The following KLHL1 variants were observed in gnomAD, a reference collection of about 807,000 sequenced individuals.
KLHL1 encodes the protein kelch-like protein 1.
KLHL1 carries 47 observed loss-of-function variants against 77.7 expected under a neutral mutation model. The ratio of observed to expected loss-of-function variants is 0.60; its 90% CI spans 0.48 to 0.77. The LOEUF (loss-of-function observed/expected upper bound fraction) is 0.77, where lower values mean the gene tolerates loss of function less well. Ranked by LOEUF, KLHL1 falls within the 30% of genes least tolerant of loss-of-function variation. The pLI is 0.00. For synonymous variants in KLHL1, 360 were observed against 325.2 expected, an observed-to-expected ratio of 1.11 and a Z score of -1.15; for missense variants, 925 against 910.8, an observed-to-expected ratio of 1.02 and a Z score of -0.20.
intron 9 of KLHL1, among the ~76,000 whole-genome samples, chr13:69,714,305 A>G (rs1337426864): frequency 6.6e-6 from 1 of 152,160 alleles, no homozygotes; most frequent in Non-Finnish European, 1.5e-5. Flanking sequence ...TTGTTGACAG[A>G]ACAAAAAGAA....
chr13:69,989,678 C>T (rs536691218), intron 1 of KLHL1, among the ~76,000 whole-genome samples: 2 of 151,878 alleles, frequency 1.3e-5, no homozygotes, highest in African/African-American at 4.8e-5. Flanking sequence ...TCCTTCACTA[C>T]CCTGGTTAGC....
At chr13:69,904,442 C>T (rs1167298486) in intron 4 of KLHL1, among the ~76,000 whole-genome samples, 1 of 152,164 alleles carries the variant, frequency 6.6e-6, no homozygotes, top group Non-Finnish European at 1.5e-5. Context: ...TCAAAGCAAA[C>T]TTTCTACCAA....
At chr13:69,749,743 G>T (rs1373067741) in intron 7 of KLHL1, among the ~76,000 whole-genome samples, 1 of 151,872 alleles carries the variant, frequency 6.6e-6, no homozygotes, top group Non-Finnish European at 1.5e-5. Context: ...TCACATTTTA[G>T]CAAAAGGTTG....
intron 8 of KLHL1, among the ~76,000 whole-genome samples, chr13:69,725,771 C>T (rs1396943996): frequency 6.6e-6 from 1 of 152,120 alleles, no homozygotes; most frequent in African/African-American, 2.4e-5. Context: ...TCCTGTAAGG[C>T]ATATTAACAA....
At chr13:69,794,199 T>A (rs1876998895) in intron 7 of KLHL1, among the ~76,000 whole-genome samples, 1 of 152,076 alleles carries the variant, frequency 6.6e-6, no homozygotes. Flanking sequence ...ACCCCTGAGG[T>A]CTACATACTA....
chr13:69,965,835 C>T (rs7993620), intron 2 of KLHL1, among the ~76,000 whole-genome samples: 93,974 of 151,970 alleles, frequency 0.62, 29,133 homozygotes, highest in South Asian at 0.65. Flanking sequence ...TGCCACAACA[C>T]TTCCTTGAGC....
At chr13:69,739,003 A>G (rs994417539) in intron 8 of KLHL1, among the ~76,000 whole-genome samples, 1 of 152,156 alleles carries the variant, frequency 6.6e-6, no homozygotes, top group Non-Finnish European at 1.5e-5. Context: ...AGCCAGAGAG[A>G]AAGGCCAGGT....
intron 1 of KLHL1, among the ~76,000 whole-genome samples, chr13:70,026,265 T>A (rs954890075): frequency 4.6e-5 from 7 of 152,142 alleles, no homozygotes; most frequent in Non-Finnish European, 8.8e-5. Context: ...TATAACTGAT[T>A]TTTTTAAAAA....
At chr13:69,805,691 C>CAA (rs55988841) in intron 6 of KLHL1, among the ~76,000 whole-genome samples, 1 of 133,908 alleles carries the variant, frequency 7.5e-6, no homozygotes, top group Non-Finnish European at 1.6e-5. Context: ...TGAAAAAAAA[C>CAA]AAAAAAAAAA....
intron 1 of KLHL1, among the ~76,000 whole-genome samples, chr13:70,055,171 T>C (rs1369939913): frequency 6.6e-6 from 1 of 151,786 alleles, no homozygotes; most frequent in African/African-American, 2.4e-5. Context: ...GGTCATAAAA[T>C]CAGCAAAAGG....
intron 7 of KLHL1, among the ~76,000 whole-genome samples, chr13:69,779,328 TCTTC>T (rs111574350): frequency 1.2e-3 from 174 of 149,066 alleles, no homozygotes; most frequent in Middle Eastern, 3.4e-3. Context: ...TTAAAAAAGG[TCTTC>T]CTTCCTTCCT....
At chr13:69,719,618 TAGTC>T in intron 8 of KLHL1, 37 bp from the exon 9 acceptor site, 2 of 1,515,836 alleles carry the variant, frequency 1.3e-6, no homozygotes, top group South Asian at 2.3e-5. Context: ...TTTAATATCA[TAGTC>T]TGGATGACAA....
At chr13:69,933,635 T>C (rs1458188557) in intron 4 of KLHL1, among the ~76,000 whole-genome samples, 1 of 152,158 alleles carries the variant, frequency 6.6e-6, no homozygotes, top group Non-Finnish European at 1.5e-5. Context: ...ACACTGACTC[T>C]GGAAGGCTTT....
At chr13:69,716,123 C>T (rs1441396266) in intron 9 of KLHL1, among the ~76,000 whole-genome samples, 2 of 152,088 alleles carry the variant, frequency 1.3e-5, no homozygotes, top group Non-Finnish European at 2.9e-5. Context: ...CATGAATCCA[C>T]CTCAACATCC....
intron 6 of KLHL1, among the ~76,000 whole-genome samples, chr13:69,819,446 TTA>T (rs1355326135): frequency 1.3e-5 from 2 of 152,206 alleles, no homozygotes; most frequent in African/African-American, 4.8e-5. Flanking sequence ...TCTCACTTGC[TTA>T]TATTTTTCTT....
rs769949629 is a variant in KLHL1, at chr13:70,107,531, G to T, written c.169C>A (p.Leu57Ile). The T allele has an allele frequency of 4.3e-6, 7 of 1,610,998 alleles. No homozygotes were observed. The highest frequency in any genetic ancestry group is 5.9e-6 in the Non-Finnish European group (7 of 1,178,352). The change falls in exon 1 of 11, where the codon CTC (leucine) becomes ATC (isoleucine). Residue 57 changes from leucine to isoleucine, a missense_variant. By Grantham distance (5) the Leu-to-Ile change is conservative. Transcript: ENST00000377844. ...ACACCGCTTCTCTCTTGGCTTTTGA[G>T]CAGGCGACTCTGGCTGGGTCCCCAG... Reference protein sequence around the residue: ...EHWGPSQSRLLKSQERSGVST... With the variant: ...EHWGPSQSRLIKSQERSGVST...
intron 6 of KLHL1, among the ~76,000 whole-genome samples, chr13:69,811,068 C>G (rs989890618): frequency 4.6e-5 from 7 of 151,538 alleles, no homozygotes; most frequent in Admixed American, 4.6e-4. Context: ...ACCAATCTTA[C>G]TGAAACAATT....
intron 2 of KLHL1, among the ~76,000 whole-genome samples, chr13:69,968,785 A>G (rs1884295777): frequency 6.6e-6 from 1 of 152,230 alleles, no homozygotes. Flanking sequence ...TCCATGGTGT[A>G]TATGCGCCAC....
chr13:70,075,329 G>GA (rs2137422982), intron 1 of KLHL1, among the ~76,000 whole-genome samples: 1 of 149,742 alleles, frequency 6.7e-6, no homozygotes, highest in South Asian at 2.1e-4. Context: ...AATTTGTCTG[G>GA]AAAAAATAAA....
Sources: gnomAD v4.1 joint callset for allele counts (sites outside exome capture counted in the v4.1 genomes callset) on GRCh38, gnomAD v4.1.1 for gene constraint, MANE v1.5 for transcripts, NCBI Gene and HGNC (gene_info 2026-07-23, HGNC 2026-07-21) for gene names.